EFNA5: variants seen among roughly 807,000 people sequenced by gnomAD.
EFNA5 encodes the protein ephrin A5.
Under a neutral mutation model 22.9 loss-of-function variants are expected in EFNA5, and 5 were observed. The ratio of observed to expected loss-of-function variants is 0.22; its 90% CI spans 0.11 to 0.46. The LOEUF (loss-of-function observed/expected upper bound fraction) is 0.46. EFNA5 is among the 20% of genes least tolerant of loss of function. The probability of loss-of-function intolerance (pLI) is 0.99; values close to 1 mark genes in which losing one functional copy is unlikely to be tolerated. For missense variants in EFNA5, 237 were observed against 293.3 expected, an observed-to-expected ratio of 0.81 and a Z score of 1.40; for synonymous variants, 113 against 112.2, an observed-to-expected ratio of 1.01 and a Z score of -0.04.
intron 1 of EFNA5, among the ~76,000 whole-genome samples, chr5:107,511,664 T>C (rs2112434627): frequency 6.6e-6 from 1 of 152,322 alleles, no homozygotes; most frequent in South Asian, 2.1e-4. Flanking sequence ...GTTTCAACTT[T>C]AATCTGTAAA....
intron 1 of EFNA5, among the ~76,000 whole-genome samples, chr5:107,557,365 G>A (rs1452297434): frequency 1.3e-5 from 2 of 150,282 alleles, no homozygotes; most frequent in South Asian, 2.1e-4. Flanking sequence ...TAAATGAGAA[G>A]GGGCGAGAGA....
chr5:107,584,790 A>G (rs1294946044), intron 1 of EFNA5, among the ~76,000 whole-genome samples: 1 of 152,220 alleles, frequency 6.6e-6, no homozygotes, highest in African/African-American at 2.4e-5. Context: ...TTTGTGGAAC[A>G]AATGAACGAA....
At chr5:107,643,169 T>C (rs534479254) in intron 1 of EFNA5, among the ~76,000 whole-genome samples, 2 of 152,226 alleles carry the variant, frequency 1.3e-5, no homozygotes, top group South Asian at 4.2e-4. Context: ...TTTAAATAAC[T>C]CCTAAGTAGA....
chr5:107,405,794 G>A (rs186966424), intron 2 of EFNA5, among the ~76,000 whole-genome samples: 56 of 151,090 alleles, frequency 3.7e-4, no homozygotes, highest in African/African-American at 1.1e-3. Flanking sequence ...ATGATGAACC[G>A]CCCCCCATAC....
At chr5:107,494,373 G>A (rs957543258) in intron 1 of EFNA5, among the ~76,000 whole-genome samples, 90 of 152,334 alleles carry the variant, frequency 5.9e-4, no homozygotes, top group African/African-American at 2.2e-3. Flanking sequence ...GGGCAGTGAG[G>A]GGCTTAGCAC....
At chr5:107,395,097 GGT>G (rs1248505036) in intron 2 of EFNA5, among the ~76,000 whole-genome samples, 2 of 138,648 alleles carry the variant, frequency 1.4e-5, no homozygotes, top group Non-Finnish European at 3.0e-5. Flanking sequence ...GGAGTGCAGT[GGT>G]GTAATCTCAG....
At position 107,534,431 on chromosome 5, in the gene EFNA5, C is replaced by T. The variant is rs141965619; in HGVS notation, c.126-106922G>A. ...ATGTCTAGTCCTGGAAAGCAAATGA[C>T]AATAAAGAATGTAAATCTAGGTCAT... On this transcript the variant is annotated intron_variant, in intron 1 of 4. Transcript: ENST00000333274. Among the ~76,000 whole-genome samples the T allele has an allele frequency of 1.8e-3, 269 of 152,230 alleles. 4 individuals are homozygous for T. The highest frequency in any genetic ancestry group is 0.014 in the Admixed American group (211 of 15,276).
chr5:107,397,493 A>C (rs1747959992), intron 2 of EFNA5, among the ~76,000 whole-genome samples: 1 of 151,924 alleles, frequency 6.6e-6, no homozygotes, highest in Admixed American at 6.6e-5. Context: ...GGTTGCAGTG[A>C]GCAAAGATCA....
intron 1 of EFNA5, among the ~76,000 whole-genome samples, chr5:107,573,478 C>A (rs1748859346): frequency 6.6e-6 from 1 of 151,650 alleles, no homozygotes; most frequent in Non-Finnish European, 1.5e-5. Context: ...GGTTTTGTTT[C>A]TTCATGCTCC....
intron 2 of EFNA5, among the ~76,000 whole-genome samples, chr5:107,398,768 T>C (rs1015219377): frequency 4.1e-5 from 6 of 146,498 alleles, no homozygotes; most frequent in African/African-American, 1.5e-4. Context: ...GGCAGGAGAA[T>C]GGCTTGAGCC....
At chr5:107,538,575 T>A (rs1447595652) in intron 1 of EFNA5, among the ~76,000 whole-genome samples, 1 of 152,136 alleles carries the variant, frequency 6.6e-6, no homozygotes, top group East Asian at 1.9e-4. Flanking sequence ...GGCCACTTAA[T>A]AGCACAAGCA....
intron 1 of EFNA5, among the ~76,000 whole-genome samples, chr5:107,559,853 T>TA (rs1748500115): frequency 1.3e-5 from 2 of 152,202 alleles, no homozygotes; most frequent in Admixed American, 1.3e-4. Context: ...TTATTTGCTT[T>TA]AAAAAATACT....
intron 2 of EFNA5, among the ~76,000 whole-genome samples, chr5:107,415,898 A>C (rs1328030875): frequency 6.6e-6 from 1 of 152,246 alleles, no homozygotes; most frequent in Non-Finnish European, 1.5e-5. Flanking sequence ...ATGGAGCATC[A>C]TGTTAACAAG....
intron 1 of EFNA5, among the ~76,000 whole-genome samples, chr5:107,567,832 G>A (rs116250572): frequency 4.6e-5 from 7 of 152,216 alleles, no homozygotes; most frequent in African/African-American, 1.2e-4. Flanking sequence ...GCAAAGTAGC[G>A]AGTGGCTGGG....
intron 1 of EFNA5, among the ~76,000 whole-genome samples, chr5:107,569,172 A>G (rs1748721570): frequency 6.6e-6 from 1 of 151,876 alleles, no homozygotes; most frequent in Non-Finnish European, 1.5e-5. Context: ...GGCTTTCTGT[A>G]TTGGGGGTGA....
intron 1 of EFNA5, among the ~76,000 whole-genome samples, chr5:107,431,630 G>A (rs1374263783): frequency 2.6e-5 from 4 of 152,168 alleles, no homozygotes; most frequent in Non-Finnish European, 5.9e-5. Context: ...TCTGACCTCA[G>A]AACCAAAGCT....
intron 1 of EFNA5, among the ~76,000 whole-genome samples, chr5:107,485,607 T>C: frequency 6.6e-6 from 1 of 152,216 alleles, no homozygotes; most frequent in East Asian, 1.9e-4. Flanking sequence ...TTCCTATGGA[T>C]TATGTTCAAA....
At chr5:107,660,030 C>T (rs1750913213) in intron 1 of EFNA5, among the ~76,000 whole-genome samples, 1 of 151,560 alleles carries the variant, frequency 6.6e-6, no homozygotes, top group African/African-American at 2.4e-5. Flanking sequence ...TCAACACACA[C>T]CACCTCTGTC....
At chr5:107,385,293 T>C (rs920445169) in intron 4 of EFNA5, among the ~76,000 whole-genome samples, 1 of 152,190 alleles carries the variant, frequency 6.6e-6, no homozygotes, top group African/African-American at 2.4e-5. Context: ...AATGGCAGAA[T>C]AGTCCTCCAT....
Sources: allele counts gnomAD v4.1 joint callset (sites outside exome capture counted in the v4.1 genomes callset), GRCh38; gene constraint gnomAD v4.1.1; transcripts MANE v1.5; gene names NCBI Gene and HGNC (gene_info 2026-07-23, HGNC 2026-07-21).